Variants in RTTN observed in about 807,000 individuals in gnomAD.
RTTN encodes the protein rotatin.
In RTTN, 182 loss-of-function variants were observed where a neutral mutation model predicts 269.2. The ratio of observed to expected loss-of-function variants is 0.68; its 90% confidence interval spans 0.60 to 0.76. RTTN has a LOEUF of 0.76. Ranked by LOEUF, RTTN falls within the 30% of genes least tolerant of loss-of-function variation. The pLI, the probability that RTTN is intolerant of heterozygous loss-of-function variation, is 0.00. For synonymous variants in RTTN, 1,006 were observed against 963.5 expected, an observed-to-expected ratio of 1.04 and a Z score of -0.82; for missense variants, 2,545 against 2,608.6, an observed-to-expected ratio of 0.98 and a Z score of 0.53.
intron 23 of RTTN, 93 bp downstream of exon 23, chr18:70,134,380 C>T (rs1422807353): frequency 9.2e-6 from 9 of 983,390 alleles, no homozygotes; most frequent in Non-Finnish European, 1.4e-5. Context: ...GATTTAAATG[C>T]TAAATGAAAA....
At chr18:70,015,959 C>A (rs2056525861) in intron 46 of RTTN, among the ~76,000 whole-genome samples, 1 of 152,200 alleles carries the variant, frequency 6.6e-6, no homozygotes, top group Non-Finnish European at 1.5e-5. Context: ...GGATTATCAT[C>A]ACCCTCATTT....
chr18:70,168,895 A>G lies in RTTN; in HGVS notation c.1649T>C (p.Ile550Thr). 6.2e-7 allele frequency: 1 copy of G among 1,613,088 alleles called. No individual in the cohort carries two copies. Among genetic ancestry groups the G allele is most frequent in the Non-Finnish European group, 8.5e-7 (1 of 1,179,646 alleles). The change falls in exon 12 of 49, where the codon ATT becomes ACT. Residue 550 changes from isoleucine (I) to threonine (T), a missense_variant. Transcript: ENST00000640769. ...YKRTAEAVYS[I>T]ECTCNFLSDI... ...AGACAGGAAGTTACAGGTGCATTCA[A>G]TTGAATAAACGGCCTCTGCAGTTCG...
chr18:70,042,464 G>A (rs918057630), intron 40 of RTTN, among the ~76,000 whole-genome samples: 15 of 130,778 alleles, frequency 1.1e-4, no homozygotes, highest in African/African-American at 4.3e-4. Context: ...CAAGCTCCCC[G>A]TCCCGGGTTC....
chr18:70,188,321 C>A (rs907065956), intron 9 of RTTN, 98 bp from the exon 10 acceptor site: 1 of 671,856 alleles, frequency 1.5e-6, no homozygotes, highest in Non-Finnish European at 2.6e-6. Flanking sequence ...GTTAGTCATG[C>A]TCCAACATTT....
At chr18:70,099,087 A>G (rs959673952) in intron 28 of RTTN, among the ~76,000 whole-genome samples, 1 of 152,036 alleles carries the variant, frequency 6.6e-6, no homozygotes, top group Non-Finnish European at 1.5e-5. Context: ...AGCATGATTT[A>G]TAATCCTTTG....
intron 40 of RTTN, among the ~76,000 whole-genome samples, chr18:70,044,530 T>G (rs2057438005): frequency 1.3e-5 from 2 of 152,186 alleles, no homozygotes; most frequent in Admixed American, 6.5e-5. Flanking sequence ...AGTACCCAAC[T>G]CCATATATTC....
intron 28 of RTTN, among the ~76,000 whole-genome samples, chr18:70,102,229 C>T (rs2059188357): frequency 6.6e-6 from 1 of 152,170 alleles, no homozygotes; most frequent in African/African-American, 2.4e-5. Flanking sequence ...TTGTAGGTCT[C>T]TAAGGACTTG....
Position 70,163,367 on chromosome 18 carries a change from C to T in RTTN, c.1929+2695G>A, listed in dbSNP as rs1313440508. On this transcript the variant is annotated intron_variant, in intron 14 of 48. Coordinates refer to ENST00000640769, the MANE Select transcript of RTTN (RefSeq NM_173630.4). ...ACTGCACTCCAGCCTGGTGACACAG[C>T]GAGACTCCATCTCAAAAAAAAAAAA... Among the ~76,000 whole-genome samples, 5 of 149,472 alleles carry T rather than the reference C, an allele frequency of 3.3e-5. No homozygotes were observed. The South Asian group carries it at 8.4e-4, about 25-fold the overall frequency.
chr18:70,175,087 C>T (rs1417344495), intron 11 of RTTN, among the ~76,000 whole-genome samples: 2 of 137,280 alleles, frequency 1.5e-5, no homozygotes, highest in African/African-American at 5.4e-5. Context: ...CTTTTATAGA[C>T]GCTGTCAATT....
At chr18:70,092,421 A>C (rs1033035722) in intron 29 of RTTN, among the ~76,000 whole-genome samples, 1 of 152,194 alleles carries the variant, frequency 6.6e-6, no homozygotes, top group Non-Finnish European at 1.5e-5. Context: ...TTTTGACAGA[A>C]GCTATTTTTC....
intron 46 of RTTN, among the ~76,000 whole-genome samples, chr18:70,016,037 G>A (rs935392352): frequency 1.3e-5 from 2 of 152,240 alleles, no homozygotes; most frequent in Admixed American, 6.5e-5. Context: ...TGTACATCAC[G>A]CAGCAACAGA....
intron 43 of RTTN, among the ~76,000 whole-genome samples, chr18:70,026,978 T>C (rs2056872119): frequency 6.6e-6 from 1 of 152,192 alleles, no homozygotes; most frequent in Non-Finnish European, 1.5e-5. Context: ...TGCTCTATCA[T>C]GCACTCTTAA....
At chr18:70,114,368 A>C (rs2059549679) in intron 27 of RTTN, 77 bp downstream of exon 27, 2 of 1,305,640 alleles carry the variant, frequency 1.5e-6, no homozygotes, top group Non-Finnish European at 2.1e-6. Flanking sequence ...AAAGAAGTAC[A>C]AAGTAAAACT....
intron 27 of RTTN, among the ~76,000 whole-genome samples, chr18:70,113,036 T>C (rs892884694): frequency 1.3e-5 from 2 of 152,106 alleles, no homozygotes; most frequent in African/African-American, 4.8e-5. Context: ...CACAACTATA[T>C]GGAAACCGAA....
intron 20 of RTTN, 175 bp from the exon 21 acceptor site, chr18:70,139,891 T>C (rs2060213854): frequency 3.2e-6 from 2 of 621,282 alleles, no homozygotes; most frequent in Non-Finnish European, 5.7e-6. Context: ...TCGTATATAC[T>C]TCTATCACCT....
intron 4 of RTTN, among the ~76,000 whole-genome samples, chr18:70,200,607 C>G (rs1438501525): frequency 6.6e-6 from 1 of 152,204 alleles, no homozygotes; most frequent in Non-Finnish European, 1.5e-5. Context: ...TCAGTTCTTT[C>G]TTGTTATTCC....
intron 10 of RTTN, among the ~76,000 whole-genome samples, chr18:70,181,439 T>A (rs1451473786): frequency 6.6e-6 from 1 of 152,174 alleles, no homozygotes; most frequent in Admixed American, 6.5e-5. Flanking sequence ...GAATGACATA[T>A]GACATACTTT....
In RTTN at chr18:70,188,161, C is replaced by G. The variant is rs2061589757; in HGVS notation, c.1252G>C (p.Glu418Gln). ...TCCCAGATATCTGTTGAAATTGCTT[C>G]ACCAATAAGTGTCATATCCTCTGTA... ...LLTEDMTLIGEAISTDIWDDS... is the reference protein window; with the variant it reads ...LLTEDMTLIGQAISTDIWDDS... The change falls in exon 10 of 49, where the codon GAA becomes CAA. Residue 418 changes from glutamate (E) to glutamine (Q), a missense_variant. Glu to Gln is a conservative substitution (Grantham distance 29). Transcript: ENST00000640769. The G allele has an allele frequency of 1.2e-6, 2 of 1,612,270 alleles. No homozygotes were observed. Among genetic ancestry groups the G allele is most frequent in the South Asian group, 2.2e-5 (2 of 90,998 alleles).
Position 70,059,965 on chromosome 18 carries a change from C to T in RTTN, c.4825G>A (p.Val1609Ile). ...ATTGCTGAAAGAAGAGATGGAGTAA[C>T]AAAAACACACAGTTTGGGCAGGGGA... ...SAPLPKLCVF[V>I]TPSLLSAMCS... Residue 1609 changes from valine to isoleucine, a missense_variant, in exon 36 of 49, where the codon GTT becomes ATT. Transcript: ENST00000640769. 4 of 1,613,980 alleles carry T rather than the reference C, an allele frequency of 2.5e-6. No homozygotes were observed. Among genetic ancestry groups the T allele is most frequent in the Non-Finnish European group, 3.4e-6 (4 of 1,179,920 alleles).
Sources: allele counts gnomAD v4.1 joint callset (sites outside exome capture counted in the v4.1 genomes callset), GRCh38; gene constraint gnomAD v4.1.1; transcripts MANE v1.5; gene names NCBI Gene and HGNC (gene_info 2026-07-23, HGNC 2026-07-21).